CNTNAP3B: variants seen among roughly 807,000 people sequenced by gnomAD.
CNTNAP3B encodes contactin-associated protein-like 3B.
A neutral mutation model predicts 108.9 loss-of-function variants in CNTNAP3B; 25 were observed. The ratio of observed to expected loss-of-function variants is 0.23; its 90% CI spans 0.17 to 0.32. CNTNAP3B has a LOEUF of 0.32. Ranked by LOEUF, CNTNAP3B falls within the 10% of genes least tolerant of loss-of-function variation. The pLI is 1.00. For missense variants in CNTNAP3B, 252 were observed against 1,210.4 expected (o/e 0.21, Z 11.75); for synonymous variants, 103 against 473.4 (o/e 0.22, Z 10.16).
At chr9:41,967,122 G>C (rs1302086889) in intron 10 of CNTNAP3B, among the ~76,000 whole-genome samples, 2 of 148,782 alleles carry the variant, frequency 1.3e-5, no homozygotes, top group African/African-American at 2.5e-5. Context: ...AGGATTTTTA[G>C]GTGTGGTATT....
chr9:42,117,491 C>A (rs1195563135), intron 1 of CNTNAP3B, among the ~76,000 whole-genome samples: 4 of 141,300 alleles, frequency 2.8e-5, no homozygotes, highest in African/African-American at 1.1e-4. Flanking sequence ...AACAAACACA[C>A]AACATACCAG....
At chr9:41,932,750 C>T (rs1824019032) in intron 14 of CNTNAP3B, among the ~76,000 whole-genome samples, 2 of 151,934 alleles carry the variant, frequency 1.3e-5, no homozygotes, top group South Asian at 4.2e-4. Flanking sequence ...GAACTTCTGA[C>T]TTCATGATCT....
intron 1 of CNTNAP3B, among the ~76,000 whole-genome samples, chr9:42,113,526 G>A (rs1274702446): frequency 2.2e-5 from 3 of 138,706 alleles, no homozygotes; most frequent in Admixed American, 7.1e-5. Context: ...CATCAGACAC[G>A]ACACAGAAAA....
At chr9:41,930,107 G>A (rs1823933656) in intron 14 of CNTNAP3B, among the ~76,000 whole-genome samples, 1 of 152,290 alleles carries the variant, frequency 6.6e-6, no homozygotes, top group African/African-American at 2.4e-5. Context: ...TATGATTACT[G>A]GGTATTTCTT....
At chr9:42,127,213 C>T (rs1173531568) in intron 1 of CNTNAP3B, among the ~76,000 whole-genome samples, 1 of 138,536 alleles carries the variant, frequency 7.2e-6, no homozygotes, top group Non-Finnish European at 1.5e-5. Context: ...CTCAGCAACT[C>T]GCGAGAGTCC....
At chr9:41,928,278 G>A (rs1383309032) in intron 15 of CNTNAP3B, among the ~76,000 whole-genome samples, 3 of 152,160 alleles carry the variant, frequency 2.0e-5, no homozygotes, top group East Asian at 1.9e-4. Context: ...CAGAATATTT[G>A]CATTGGTTCC....
chr9:41,925,466 G>T (rs1823790182), intron 15 of CNTNAP3B, among the ~76,000 whole-genome samples: 1 of 152,208 alleles, frequency 6.6e-6, no homozygotes, highest in African/African-American at 2.4e-5. Flanking sequence ...GGTGGTGGGT[G>T]CCTGTAGTCC....
chr9:42,098,353 C>T (rs62558894), intron 2 of CNTNAP3B, among the ~76,000 whole-genome samples: 1,610 of 122,950 alleles, frequency 0.013, 170 homozygotes, highest in South Asian at 0.056. Flanking sequence ...AAAGGTGGAT[C>T]ACTAGGTCAG....
intron 9 of CNTNAP3B, 108 bp from the exon 10 acceptor site, chr9:41,970,353 T>G: frequency 4.9e-6 from 1 of 205,180 alleles, no homozygotes; most frequent in East Asian, 1.8e-4. Context: ...GACATCGGTA[T>G]GATGCGATGA....
At chr9:41,922,425 CA>C (rs1477750109) in intron 17 of CNTNAP3B, among the ~76,000 whole-genome samples, 1 of 141,024 alleles carries the variant, frequency 7.1e-6, no homozygotes, top group East Asian at 2.0e-4. Context: ...GAGATTGCAC[CA>C]CTGCACTCCA....
intron 11 of CNTNAP3B, among the ~76,000 whole-genome samples, chr9:41,963,049 A>G (rs1825153986): frequency 6.6e-6 from 1 of 152,254 alleles, no homozygotes; most frequent in Non-Finnish European, 1.5e-5. Flanking sequence ...TCATGCTTCA[A>G]TCTGTGAGAG....
intron 12 of CNTNAP3B, among the ~76,000 whole-genome samples, chr9:41,955,952 C>T (rs1199833021): frequency 2.2e-4 from 33 of 152,294 alleles, no homozygotes; most frequent in Non-Finnish European, 4.1e-4. Context: ...CTCAAACCAG[C>T]CTAACTTAAA....
At chr9:42,088,971 C>T (rs1196946938) in intron 2 of CNTNAP3B, among the ~76,000 whole-genome samples, 1 of 130,758 alleles carries the variant, frequency 7.6e-6, no homozygotes, top group Non-Finnish European at 1.6e-5. Flanking sequence ...AATCCCAGCA[C>T]TTTGGAAGGC....
intron 8 of CNTNAP3B, among the ~76,000 whole-genome samples, chr9:41,990,687 A>T (rs1825789588): frequency 7.7e-6 from 1 of 129,996 alleles, no homozygotes; most frequent in African/African-American, 3.0e-5. Flanking sequence ...TAAAGCCCCC[A>T]TTTAGTTCCG....
In CNTNAP3B at chr9:42,098,020, A is replaced by C. The variant is rs1827944823; in HGVS notation, c.196+6609T>G. Among the ~76,000 whole-genome samples, 2 of 138,110 alleles carry C rather than the reference A, an allele frequency of 1.4e-5. 1 individual carries two copies. The highest frequency in any genetic ancestry group is 3.1e-5 in the Non-Finnish European group (2 of 64,552). 90.6% of individuals were successfully genotyped at this position (138,110 alleles called of 152,430 possible). A position where few individuals can be genotyped will look rare whatever the true frequency, so the allele number is the denominator to read the frequency against. ...ACTGTTTCAACAGACAATACACAGA[A>C]TTTGGAAAAACGAGGGAGTGATATC... is the stretch of plus-strand genomic sequence containing the variant. On this transcript the variant is annotated intron_variant, in intron 2 of 23. Coordinates refer to ENST00000377561, the MANE Select transcript of CNTNAP3B (RefSeq NM_001201380.3).
intron 3 of CNTNAP3B, among the ~76,000 whole-genome samples, chr9:42,053,980 T>C (rs1393028875): frequency 2.0e-5 from 3 of 151,922 alleles, no homozygotes; most frequent in Non-Finnish European, 4.4e-5. Context: ...TCTGGGAGTA[T>C]ATCAACACAA....
At position 42,121,726 on chromosome 9, in the gene CNTNAP3B, T is replaced by G. The variant is rs1321078840; in HGVS notation, c.85+7284A>C. 1.1e-4 allele frequency among the ~76,000 whole-genome samples: 15 copies of G among 140,310 alleles called. 4 individuals carry two copies. In the South Asian group the frequency reaches 2.5e-3, roughly 23 times the overall value. The allele number at this position is 140,310 out of a possible 152,430, so 92.0% of individuals were successfully genotyped here. The stretch of plus-strand genomic sequence containing the variant: ...ATATGCTATTTTTATATTGCAATGT[T>G]TGCTTATCTATAGGTAAGAGCTCAC... On this transcript the variant is annotated intron_variant, in intron 1 of 23. Transcript: ENST00000377561.
intron 2 of CNTNAP3B, among the ~76,000 whole-genome samples, chr9:42,095,328 T>C (rs1474696837): frequency 1.4e-5 from 2 of 138,472 alleles, no homozygotes; most frequent in Admixed American, 7.2e-5. Context: ...GGTTCATCCA[T>C]GTTATCACAA....
chr9:42,103,291 A>C (rs1209784775), intron 2 of CNTNAP3B, among the ~76,000 whole-genome samples: 1 of 149,184 alleles, frequency 6.7e-6, no homozygotes, highest in Non-Finnish European at 1.5e-5. Flanking sequence ...AAAAATGAAA[A>C]GTTAAATTGT....
Sources: gnomAD v4.1 joint callset for allele counts (sites outside exome capture counted in the v4.1 genomes callset) on GRCh38, gnomAD v4.1.1 for gene constraint, MANE v1.5 for transcripts, NCBI Gene and HGNC (gene_info 2026-07-23, HGNC 2026-07-21) for gene names.